PKP4: variants seen among roughly 807,000 people sequenced by gnomAD.
PKP4 encodes the protein plakophilin 4.
Under a neutral mutation model 145.1 loss-of-function variants are expected in PKP4, and 90 were observed. The ratio of observed to expected loss-of-function variants is 0.62; its 90% CI spans 0.52 to 0.74. The LOEUF is 0.74. PKP4 is among the 30% of genes least tolerant of loss of function. The probability of loss-of-function intolerance (pLI) is 0.00; values close to 1 mark genes in which losing one functional copy is unlikely to be tolerated. For synonymous variants in PKP4, 563 were observed against 577.2 expected, an observed-to-expected ratio of 0.98 and a Z score of 0.35; for missense variants, 1,340 against 1,482.7, an observed-to-expected ratio of 0.90 and a Z score of 1.58.
Position 158,598,725 on chromosome 2 carries a change from C to T in PKP4, c.246-4345C>T, listed in dbSNP as rs138406472. 1.2e-3 allele frequency among the ~76,000 whole-genome samples: 185 copies of T among 152,140 alleles called. 1 individual carries two copies. Among genetic ancestry groups the T allele is most frequent in the Admixed American group, 7.5e-3 (115 of 15,300 alleles). On this transcript the variant is annotated intron_variant, in intron 3 of 21. Coordinates refer to ENST00000389759, the MANE Select transcript of PKP4 (RefSeq NM_003628.6). ...CGGAGCTTGCAGTGAGGCGAGATCG[C>T]GCCACTGCACTCCAGCCTGGGCGAG...
intron 11 of PKP4, among the ~76,000 whole-genome samples, chr2:158,644,884 T>C (rs2054679245): frequency 6.6e-6 from 1 of 152,214 alleles, no homozygotes; most frequent in Non-Finnish European, 1.5e-5. Flanking sequence ...TATATTTTCT[T>C]TGCCTTTTTT....
intron 1 of PKP4, among the ~76,000 whole-genome samples, chr2:158,494,303 T>G (rs1695369913): frequency 6.6e-6 from 1 of 152,044 alleles, no homozygotes; most frequent in African/African-American, 2.4e-5. Context: ...GAAACAGCCC[T>G]AAAAAATGTG....
chr2:158,489,982 A>G (rs1459948516), intron 1 of PKP4, among the ~76,000 whole-genome samples: 4 of 151,954 alleles, frequency 2.6e-5, no homozygotes, highest in Non-Finnish European at 5.9e-5. Context: ...AGTGTGAATC[A>G]TTTTTCTTCA....
At chr2:158,459,975 C>G (rs1689519434) in intron 1 of PKP4, among the ~76,000 whole-genome samples, 1 of 152,104 alleles carries the variant, frequency 6.6e-6, no homozygotes, top group Admixed American at 6.6e-5. Flanking sequence ...TGTATTTTGA[C>G]CAAAGTGCAT....
intron 1 of PKP4, among the ~76,000 whole-genome samples, chr2:158,495,450 T>C (rs1695554797): frequency 1.3e-5 from 2 of 152,196 alleles, no homozygotes; most frequent in African/African-American, 2.4e-5. Context: ...AAAAACTGTT[T>C]TCTGCTGAGT....
At chr2:158,631,716 G>A in intron 7 of PKP4, 37 bp from the exon 8 acceptor site, 1 of 1,530,370 alleles carries the variant, frequency 6.5e-7, no homozygotes, top group Non-Finnish European at 9.1e-7. Context: ...CACTGTGATT[G>A]TCTCAGTTCT....
At chr2:158,654,400 T>G (rs2055705602) in intron 11 of PKP4, among the ~76,000 whole-genome samples, 1 of 152,250 alleles carries the variant, frequency 6.6e-6, no homozygotes, top group Admixed American at 6.5e-5. Flanking sequence ...AGGCTAGTGT[T>G]ATGATCAATA....
chr2:158,474,088 C>G (rs1692046675), intron 1 of PKP4, among the ~76,000 whole-genome samples: 1 of 152,118 alleles, frequency 6.6e-6, no homozygotes, highest in Non-Finnish European at 1.5e-5. Context: ...TCAAAGATGA[C>G]CAGAACAATT....
chr2:158,628,813 A>G (rs973145478), intron 7 of PKP4, among the ~76,000 whole-genome samples: 1 of 152,180 alleles, frequency 6.6e-6, no homozygotes, highest in Admixed American at 6.5e-5. Flanking sequence ...CTTATTTCAC[A>G]TCCCTGTGCA....
chr2:158,648,467 G>A (rs2055033559), intron 11 of PKP4, among the ~76,000 whole-genome samples: 1 of 152,206 alleles, frequency 6.6e-6, no homozygotes, highest in Non-Finnish European at 1.5e-5. Context: ...TAGTGGACAT[G>A]CCTTTTGGAC....
chr2:158,584,340 A>G (rs1475267911), intron 3 of PKP4, among the ~76,000 whole-genome samples: 1 of 152,200 alleles, frequency 6.6e-6, no homozygotes, highest in African/African-American at 2.4e-5. Context: ...CTTGGGGCCT[A>G]GGGATGCTAA....
chr2:158,510,832 C>T (rs750748000), intron 1 of PKP4, among the ~76,000 whole-genome samples: 20 of 152,214 alleles, frequency 1.3e-4, no homozygotes, highest in African/African-American at 3.6e-4. Flanking sequence ...CCACTGTGCC[C>T]CCCATTTGGG....
intron 11 of PKP4, among the ~76,000 whole-genome samples, chr2:158,651,849 T>C (rs1208451124): frequency 6.6e-6 from 1 of 152,036 alleles, no homozygotes; most frequent in South Asian, 2.1e-4. Flanking sequence ...TTGGTGTTTT[T>C]GTGATGATGT....
At chr2:158,654,746 C>T (rs112687333) in intron 11 of PKP4, among the ~76,000 whole-genome samples, 5 of 152,068 alleles carry the variant, frequency 3.3e-5, no homozygotes, top group African/African-American at 9.6e-5. Context: ...CTCAGTTTTA[C>T]AAAAAGGCAC....
intron 3 of PKP4, among the ~76,000 whole-genome samples, chr2:158,585,049 T>C (rs2048688003): frequency 6.6e-6 from 1 of 152,186 alleles, no homozygotes; most frequent in South Asian, 2.1e-4. Context: ...CTTTTAATAA[T>C]TGTAGAAAAC....
At chr2:158,654,549 T>C (rs547789285) in intron 11 of PKP4, among the ~76,000 whole-genome samples, 1 of 152,310 alleles carries the variant, frequency 6.6e-6, no homozygotes, top group East Asian at 1.9e-4. Flanking sequence ...GATTCTGGCA[T>C]GTTGGTGTGA....
intron 1 of PKP4, among the ~76,000 whole-genome samples, chr2:158,489,329 C>T (rs1169312054): frequency 1.3e-5 from 2 of 152,002 alleles, no homozygotes; most frequent in African/African-American, 2.4e-5. Flanking sequence ...TTAATGTGGC[C>T]ACACTATCTT....
At chr2:158,599,015 G>A (rs1201107106) in intron 3 of PKP4, among the ~76,000 whole-genome samples, 1 of 152,172 alleles carries the variant, frequency 6.6e-6, no homozygotes, top group Non-Finnish European at 1.5e-5. Context: ...TTCAGATGTA[G>A]GTTTGTGTGG....
chr2:158,507,104 G>A (rs2041054025), intron 1 of PKP4, among the ~76,000 whole-genome samples: 1 of 152,190 alleles, frequency 6.6e-6, no homozygotes, highest in South Asian at 2.1e-4. Flanking sequence ...TTGCTTTGAA[G>A]GCCAAGATGA....
Sources: gnomAD v4.1 joint callset for allele counts (sites outside exome capture counted in the v4.1 genomes callset) on GRCh38, gnomAD v4.1.1 for gene constraint, MANE v1.5 for transcripts, NCBI Gene and HGNC (gene_info 2026-07-23, HGNC 2026-07-21) for gene names.